RNF135: variants seen among roughly 807,000 people sequenced by gnomAD.
RNF135 encodes the protein E3 ubiquitin-protein ligase RNF135.
RNF135 carries 46 observed loss-of-function variants against 41.9 expected under a neutral mutation model. That is an observed-to-expected ratio of 1.10 (90% confidence interval 0.87 to 1.40). The LOEUF (loss-of-function observed/expected upper bound fraction) is 1.40. Among genes scored for constraint, RNF135 ranks in the 40% most tolerant of loss-of-function variants. RNF135 has a pLI of 0.00. For missense variants in RNF135, 539 were observed against 549.8 expected (o/e 0.98, Z 0.20); for synonymous variants, 238 against 223.8 (o/e 1.06, Z -0.57).
At chr17:30,989,635 T>C (rs550580793) in intron 3 of RNF135, among the ~76,000 whole-genome samples, 11 of 152,332 alleles carry the variant, frequency 7.2e-5, no homozygotes, top group South Asian at 6.2e-4. Flanking sequence ...GCATTTCTTC[T>C]GTAGCTTTTC....
At chr17:30,972,144 TG>T (rs979557058) in intron 1 of RNF135, 2 of 152,044 alleles carry the variant, frequency 1.3e-5, no homozygotes, top group African/African-American at 4.8e-5. Context: ...TGGCCCAGGC[TG>T]GAGTGCAGTG....
chr17:30,971,706 A>G lies in RNF135; in HGVS notation c.372+261A>G, dbSNP rs183956020. ...CTTGGCATATTTCAACTTCTTCCCA[A>G]TCGATCTTCGGTCTCTTTCTCTGAA... On this transcript the variant is annotated intron_variant, in intron 1 of 4. Coordinates refer to ENST00000328381, the MANE Select transcript of RNF135 (RefSeq NM_032322.4). The G allele has an allele frequency of 6.1e-6, 8 of 1,320,732 alleles. No individual in the cohort carries two copies. In the African/African-American group the frequency reaches 6.2e-5, roughly 10 times the overall value. 81.8% of individuals were successfully genotyped at this position (1,320,732 alleles called of 1,614,324 possible).
the RNF135 span, among the ~76,000 whole-genome samples, chr17:30,963,089 C>T: frequency 7.0e-6 from 1 of 142,458 alleles, no homozygotes. Flanking sequence ...ATTTGATTCC[C>T]TAGCTTTTTT....
At chr17:30,972,624 A>G (rs1433550339) in intron 1 of RNF135, 1 of 152,250 alleles carries the variant, frequency 6.6e-6, no homozygotes, top group Non-Finnish European at 1.5e-5. Context: ...GATATTTCAT[A>G]TAACTGGAAT....
chr17:30,962,988 G>A, the RNF135 span, among the ~76,000 whole-genome samples: 1 of 151,332 alleles, frequency 6.6e-6, no homozygotes, highest in Non-Finnish European at 1.5e-5. Context: ...TTTTATTATG[G>A]TTCTAATACG....
chr17:30,965,422 A>G, the RNF135 span: 1 of 149,188 alleles, frequency 6.7e-6, no homozygotes, highest in African/African-American at 2.4e-5. Flanking sequence ...TATTTCAAAT[A>G]CATAACATAA....
At chr17:30,991,115 CAGA>C (rs1175577834) in intron 3 of RNF135, among the ~76,000 whole-genome samples, 2 of 152,172 alleles carry the variant, frequency 1.3e-5, no homozygotes, top group Non-Finnish European at 2.9e-5. Flanking sequence ...TTCACTCCCA[CAGA>C]AGAAGTGTGT....
In RNF135 at chr17:30,983,415, A is replaced by T. The variant is rs575725551; in HGVS notation, c.373-1202A>T. ...GTCGCCCAGGCTTGAATGCAGTGGC[A>T]TGATCTTGGCTCACTGCAACCTCCA... On this transcript the variant is annotated intron_variant, in intron 1 of 4. Coordinates refer to ENST00000328381, the MANE Select transcript of RNF135 (RefSeq NM_032322.4). 8.3e-4 allele frequency among the ~76,000 whole-genome samples: 111 copies of T among 133,444 alleles called. 1 individual carries two copies. Among genetic ancestry groups the T allele is most frequent in the African/African-American group, 3.0e-3 (109 of 36,370 alleles). The allele number at this position is 133,444 out of a possible 152,430, so 87.5% of individuals were successfully genotyped here. A position where few individuals can be genotyped will look rare whatever the true frequency, so the allele number is the denominator to read the frequency against.
intron 1 of RNF135, among the ~76,000 whole-genome samples, chr17:30,982,094 G>A (rs1907192642): frequency 6.6e-6 from 1 of 152,208 alleles, no homozygotes; most frequent in African/African-American, 2.4e-5. Context: ...ATCAGCAGAT[G>A]GCAAAGCCAG....
chr17:30,985,667 A>G (rs1024835886), intron 2 of RNF135, among the ~76,000 whole-genome samples: 3 of 151,968 alleles, frequency 2.0e-5, no homozygotes, highest in African/African-American at 7.3e-5. Flanking sequence ...TCCCTCTTCT[A>G]GTCTGTTTTC....
At chr17:30,997,197 CT>C in intron 3 of RNF135, 44 bp from the exon 4 acceptor site, 2 of 1,525,190 alleles carry the variant, frequency 1.3e-6, no homozygotes, top group Non-Finnish European at 9.1e-7. Context: ...TTCAGTTTGC[CT>C]TTTTCTGATG....
chr17:30,961,719 C>T, the RNF135 span, among the ~76,000 whole-genome samples: 1 of 152,176 alleles, frequency 6.6e-6, no homozygotes, highest in Admixed American at 6.5e-5. Flanking sequence ...CCACCTCAGC[C>T]TCCCAAAATG....
intron 3 of RNF135, among the ~76,000 whole-genome samples, chr17:30,994,346 C>T (rs897965860): frequency 2.0e-5 from 3 of 151,996 alleles, no homozygotes; most frequent in Non-Finnish European, 4.4e-5. Flanking sequence ...AGTTCAAGAG[C>T]AGCCTGGGTA....
At chr17:30,993,835 C>T (rs1210415564) in intron 3 of RNF135, 2 of 870,694 alleles carry the variant, frequency 2.3e-6, no homozygotes, top group Non-Finnish European at 3.6e-6. Flanking sequence ...TTTATTTTGA[C>T]ACAGGTTCTC....
intron 1 of RNF135, chr17:30,971,743 T>A: frequency 1.6e-6 from 2 of 1,282,484 alleles, no homozygotes; most frequent in Non-Finnish European, 2.0e-6. Context: ...CTTGTAAAAT[T>A]GTGGTAAGAT....
At position 30,998,693 on chromosome 17, in the gene RNF135, C is replaced by A. The variant is rs777068882; in HGVS notation, c.801C>A (p.Ser267Arg). 4 of 1,613,940 alleles carry A rather than the reference C, an allele frequency of 2.5e-6. No individual in the cohort carries two copies. In the East Asian group the frequency reaches 6.7e-5, roughly 27 times the overall value. Residue 267 changes from serine (S) to arginine (R), a missense_variant, in exon 5 of 5, where the codon AGC (serine) becomes AGA (arginine). By Grantham distance (110) the Ser-to-Arg change is moderately radical. Transcript: ENST00000328381. ...WAIHPTFNLK[S>R]LSCSLEVSKD... ...TCCATCCAACCTTTAACTTGAAGAGCCTTTCCTGCAGCCTGGAGGTGTCCA... is the reference window on the plus strand; with the variant it reads ...TCCATCCAACCTTTAACTTGAAGAGACTTTCCTGCAGCCTGGAGGTGTCCA...
chr17:30,979,865 C>T (rs1209110257), intron 1 of RNF135, among the ~76,000 whole-genome samples: 2 of 136,422 alleles, frequency 1.5e-5, no homozygotes. Context: ...GGGGCTGACC[C>T]CCCCACCTCC....
At chr17:30,962,895 T>A in the RNF135 span, among the ~76,000 whole-genome samples, 1 of 152,202 alleles carries the variant, frequency 6.6e-6, no homozygotes, top group Non-Finnish European at 1.5e-5. Flanking sequence ...TAGTGATGTA[T>A]GAGAGTTCCA....
the RNF135 span, among the ~76,000 whole-genome samples, chr17:30,960,143 T>C: frequency 6.2e-4 from 95 of 152,134 alleles, 1 homozygote; most frequent in East Asian, 0.018. Flanking sequence ...CCTATAATCC[T>C]AGCACTTTGG....
Sources: allele counts gnomAD v4.1 joint callset (sites outside exome capture counted in the v4.1 genomes callset), GRCh38; gene constraint gnomAD v4.1.1; transcripts MANE v1.5; gene names NCBI Gene and HGNC (gene_info 2026-07-23, HGNC 2026-07-21).